The following ZNF618 variants were observed in gnomAD, a reference collection of about 807,000 sequenced individuals.
ZNF618 encodes zinc finger protein 618.
A neutral mutation model predicts 103.0 loss-of-function variants in ZNF618; 34 were observed. The ratio of observed to expected loss-of-function variants is 0.33; its 90% CI spans 0.25 to 0.44. The LOEUF is 0.44. Ranked by LOEUF, ZNF618 falls within the 20% of genes least tolerant of loss-of-function variation. ZNF618 has a pLI of 1.00. For missense variants in ZNF618, 1,059 were observed against 1,295.4 expected, an observed-to-expected ratio of 0.82 and a Z score of 2.80; for synonymous variants, 551 against 542.2, an observed-to-expected ratio of 1.02 and a Z score of -0.23.
At chr9:113,946,007 A>T (rs1834995046) in intron 1 of ZNF618, among the ~76,000 whole-genome samples, 1 of 152,148 alleles carries the variant, frequency 6.6e-6, no homozygotes, top group Non-Finnish European at 1.5e-5. Flanking sequence ...CTGGAGGCAA[A>T]TTTGAGCTTT....
intron 1 of ZNF618, among the ~76,000 whole-genome samples, chr9:113,884,655 C>G (rs910406386): frequency 6.6e-6 from 1 of 152,042 alleles, no homozygotes; most frequent in Non-Finnish European, 1.5e-5. Context: ...ATAATGCTAC[C>G]CATCAGTTGG....
At position 113,999,119 on chromosome 9, in the gene ZNF618, T is replaced by A. The variant is rs61047963; in HGVS notation, c.433+765T>A. On this transcript the variant is annotated intron_variant, in intron 4 of 14. Coordinates refer to ENST00000374126, the MANE Select transcript of ZNF618 (RefSeq NM_001318042.2). The stretch of plus-strand genomic sequence containing the variant: ...TGAGGGCTGCCCCTCTAGTGAACTC[T>A]CCCCATGCCCCACCTCTCACCTCCC... 3.0e-3 allele frequency among the ~76,000 whole-genome samples: 463 copies of A among 152,252 alleles called. 2 individuals are homozygous for A. Among genetic ancestry groups the A allele is most frequent in the Middle Eastern group, 0.014 (4 of 294 alleles).
intron 2 of ZNF618, among the ~76,000 whole-genome samples, chr9:113,985,746 G>T (rs955703287): frequency 3.2e-4 from 49 of 152,162 alleles, no homozygotes; most frequent in Non-Finnish European, 6.3e-4. Flanking sequence ...GCCTGCATCA[G>T]GTCCCCGTCC....
At chr9:113,940,524 G>A (rs544908608) in intron 1 of ZNF618, among the ~76,000 whole-genome samples, 43 of 149,896 alleles carry the variant, frequency 2.9e-4, no homozygotes, top group Admixed American at 1.3e-3. Flanking sequence ...TTATGGGTAC[G>A]TAAAAGTTCA....
intron 1 of ZNF618, among the ~76,000 whole-genome samples, chr9:113,922,362 T>C (rs535748629): frequency 6.6e-6 from 1 of 152,158 alleles, no homozygotes; most frequent in Admixed American, 6.5e-5. Context: ...GAAGATAAGT[T>C]GGCAGCTGCC....
intron 1 of ZNF618, among the ~76,000 whole-genome samples, chr9:113,926,051 G>A (rs1833058014): frequency 6.6e-6 from 1 of 151,828 alleles, no homozygotes; most frequent in South Asian, 2.1e-4. Flanking sequence ...TTCCTGCAAG[G>A]CAGATCTTCT....
chr9:114,029,725 C>A (rs148362049), intron 11 of ZNF618, among the ~76,000 whole-genome samples: 116 of 152,324 alleles, frequency 7.6e-4, no homozygotes, highest in African/African-American at 2.6e-3. Flanking sequence ...TTGCCCTCCC[C>A]CTCTGTAGCA....
chr9:114,036,199 G>A (rs1024538686), intron 12 of ZNF618, 101 bp from the exon 13 acceptor site: 4 of 1,065,250 alleles, frequency 3.8e-6, no homozygotes, highest in Middle Eastern at 2.6e-4. Flanking sequence ...ACAGAGACCC[G>A]GTGTGTGTTT....
At chr9:113,941,686 A>G (rs915273068) in intron 1 of ZNF618, among the ~76,000 whole-genome samples, 19 of 152,142 alleles carry the variant, frequency 1.2e-4, no homozygotes, top group African/African-American at 4.3e-4. Flanking sequence ...TTACTTCTCT[A>G]GGGGATTTTT....
At chr9:113,973,185 A>G (rs1838152236) in intron 2 of ZNF618, among the ~76,000 whole-genome samples, 1 of 152,204 alleles carries the variant, frequency 6.6e-6, no homozygotes, top group Non-Finnish European at 1.5e-5. Context: ...AGAGCATTAG[A>G]GCTCATTTAA....
At chr9:113,941,285 A>G (rs1164539943) in intron 1 of ZNF618, among the ~76,000 whole-genome samples, 7 of 152,230 alleles carry the variant, frequency 4.6e-5, no homozygotes, top group East Asian at 1.9e-4. Context: ...TAAATATGAC[A>G]TGGAATTTTA....
At chr9:114,048,023 G>C in intron 14 of ZNF618, 29 bp downstream of exon 14, 1 of 1,536,354 alleles carries the variant, frequency 6.5e-7, no homozygotes, top group Non-Finnish European at 8.8e-7. Context: ...GGCTGGACCT[G>C]AGGGTCCCCT....
chr9:114,017,994 C>G (rs1326384841), intron 10 of ZNF618, among the ~76,000 whole-genome samples: 1 of 152,218 alleles, frequency 6.6e-6, no homozygotes, highest in African/African-American at 2.4e-5. Context: ...CTGCTTGCCC[C>G]TCACTGCTCT....
chr9:114,012,176 C>A (rs1296029739), intron 9 of ZNF618, among the ~76,000 whole-genome samples: 1 of 152,170 alleles, frequency 6.6e-6, no homozygotes, highest in Non-Finnish European at 1.5e-5. Context: ...GAAAATATGA[C>A]CTTACACATC....
At position 114,024,664 on chromosome 9, in the gene ZNF618, TA is replaced by T. The variant is rs1361245860; in HGVS notation, c.845-4068del. Reference sequence around the variant, plus strand: ...TTGAGCAAGGTCTCGCCTCTCTGGCTAGGGGGAACTCCAAAATATCTCCTAC... The same window carrying T: ...TTGAGCAAGGTCTCGCCTCTCTGGCTGGGGGAACTCCAAAATATCTCCTAC... On this transcript the variant is annotated intron_variant, in intron 10 of 14. Coordinates refer to ENST00000374126, the MANE Select transcript of ZNF618 (RefSeq NM_001318042.2). Among the ~76,000 whole-genome samples the T allele has an allele frequency of 5.9e-5, 9 of 151,962 alleles. No individual in the cohort carries two copies. The East Asian group carries it at 1.5e-3, about 26-fold the overall frequency.
intron 1 of ZNF618, among the ~76,000 whole-genome samples, chr9:113,908,109 G>A (rs1386403282): frequency 6.6e-6 from 1 of 150,614 alleles, no homozygotes; most frequent in Non-Finnish European, 1.5e-5. Flanking sequence ...CTGAGAACTG[G>A]GAGGCTCGGG....
In ZNF618 at chr9:113,987,185, C is replaced by T. The variant is rs75711734; in HGVS notation, c.78-1136C>T. 4.5e-3 allele frequency among the ~76,000 whole-genome samples: 680 copies of T among 152,304 alleles called. 9 individuals are homozygous for T. The highest frequency in any genetic ancestry group is 0.041 in the East Asian group (212 of 5,164). ...CTCAGCTTCCCCACCTCACAGACAA[C>T]AGTCATGGGGATGCTTCCCTTGTCA... On this transcript the variant is annotated intron_variant, in intron 2 of 14. Coordinates refer to ENST00000374126, the MANE Select transcript of ZNF618 (RefSeq NM_001318042.2).
intron 10 of ZNF618, chr9:114,028,381 G>A (rs1317230836): frequency 8.3e-6 from 2 of 240,874 alleles, no homozygotes. Context: ...TTCCTTTAAA[G>A]GAAAAGGAGC....
At chr9:113,992,172 C>G (rs1438991921) in intron 3 of ZNF618, among the ~76,000 whole-genome samples, 1 of 152,136 alleles carries the variant, frequency 6.6e-6, no homozygotes, top group African/African-American at 2.4e-5. Context: ...GTTGAGGATT[C>G]TAAAGGGTGG....
Sources: allele counts gnomAD v4.1 joint callset (sites outside exome capture counted in the v4.1 genomes callset), GRCh38; gene constraint gnomAD v4.1.1; transcripts MANE v1.5; gene names NCBI Gene and HGNC (gene_info 2026-07-23, HGNC 2026-07-21).